Variants in LYPLAL1 observed in about 807,000 individuals in gnomAD.
The protein encoded by LYPLAL1 is lysophospholipase-like protein 1.
A neutral mutation model predicts 19.7 loss-of-function variants in LYPLAL1; 23 were observed. The observed-to-expected ratio is 1.17, with a 90% CI of 0.84 to 1.65. The LOEUF is 1.65. LYPLAL1 is among the 40% of genes most tolerant of loss of function. LYPLAL1 has a pLI of 0.00. For synonymous variants in LYPLAL1, 119 were observed against 96.3 expected, an observed-to-expected ratio of 1.24 and a Z score of -1.38; for missense variants, 355 against 279.4, an observed-to-expected ratio of 1.27 and a Z score of -1.93.
At chr1:219,243,038 G>A in the LYPLAL1 span, among the ~76,000 whole-genome samples, 1 of 152,114 alleles carries the variant, frequency 6.6e-6, no homozygotes, top group Non-Finnish European at 1.5e-5. Flanking sequence ...AGAATGGCTG[G>A]AAGGGAGTGC....
chr1:219,382,544 A>G, the LYPLAL1 span, among the ~76,000 whole-genome samples: 1 of 152,066 alleles, frequency 6.6e-6, no homozygotes, highest in Non-Finnish European at 1.5e-5. Context: ...TTGGATTTTC[A>G]GTAGAGACAG....
the LYPLAL1 span, among the ~76,000 whole-genome samples, chr1:219,315,959 GA>G: frequency 2.0e-5 from 3 of 151,652 alleles, no homozygotes; most frequent in Admixed American, 1.3e-4. Context: ...TAATTAAATG[GA>G]AAAAAAATGC....
chr1:219,193,049 C>T (rs773609698), intron 2 of LYPLAL1, 33 bp from the exon 3 acceptor site: 77 of 1,376,770 alleles, frequency 5.6e-5, no homozygotes, highest in South Asian at 9.9e-5. Flanking sequence ...CTTTTCCTTT[C>T]TTTTTTTTTG....
At chr1:219,381,574 T>C in the LYPLAL1 span, among the ~76,000 whole-genome samples, 1 of 152,086 alleles carries the variant, frequency 6.6e-6, no homozygotes, top group Non-Finnish European at 1.5e-5. Context: ...GCCAGGAAAA[T>C]AGAGTGGGCC....
the LYPLAL1 span, among the ~76,000 whole-genome samples, chr1:219,241,134 C>CTATATATATATATA: frequency 1.3e-3 from 56 of 44,344 alleles, no homozygotes; most frequent in Non-Finnish European, 1.8e-3. Flanking sequence ...CTCTCTCTCT[C>CTATATATATATATA]TATATATATA....
chr1:219,261,272 ATC>A, the LYPLAL1 span, among the ~76,000 whole-genome samples: 2 of 152,308 alleles, frequency 1.3e-5, no homozygotes, highest in African/African-American at 4.8e-5. Flanking sequence ...CAACTTTAAA[ATC>A]TAAATCTCTC....
In LYPLAL1 at chr1:219,211,844, A is replaced by G. The variant is rs1659071796; in HGVS notation, c.*116A>G. 3.0e-6 allele frequency: 2 copies of G among 655,752 alleles called. No individual in the cohort carries two copies. The highest frequency in any genetic ancestry group is 1.8e-5 in the African/African-American group (1 of 54,748). The allele number at this position is 655,752 out of a possible 1,614,324, so 40.6% of individuals were successfully genotyped here. A position where few individuals can be genotyped will look rare whatever the true frequency, so the allele number is the denominator to read the frequency against. On this transcript the variant is annotated 3_prime_UTR_variant, in exon 5 of 5. Coordinates refer to ENST00000366928, the MANE Select transcript of LYPLAL1 (RefSeq NM_138794.5). The stretch of plus-strand genomic sequence containing the variant: ...GAAATAACACTTTCCTGACTTTTTT[A>G]TTATTAAAATGCTTATCACTGTAGA...
the LYPLAL1 span, among the ~76,000 whole-genome samples, chr1:219,339,269 T>A: frequency 6.6e-6 from 1 of 151,970 alleles, no homozygotes; most frequent in African/African-American, 2.4e-5. Context: ...CTCCATGACA[T>A]CCCTATGCAA....
chr1:219,311,286 A>C, the LYPLAL1 span, among the ~76,000 whole-genome samples: 1 of 152,298 alleles, frequency 6.6e-6, no homozygotes, highest in African/African-American at 2.4e-5. Flanking sequence ...CAGCAATATC[A>C]CCTGAAAAAT....
chr1:219,424,210 C>T, the LYPLAL1 span, among the ~76,000 whole-genome samples: 1 of 152,064 alleles, frequency 6.6e-6, no homozygotes, highest in African/African-American at 2.4e-5. Context: ...TTAATTCTGG[C>T]TTAAAGACTC....
chr1:219,237,580 G>T, the LYPLAL1 span, among the ~76,000 whole-genome samples: 2 of 152,122 alleles, frequency 1.3e-5, no homozygotes, highest in South Asian at 4.1e-4. Context: ...TTGTTGCTCG[G>T]TCTACTTTGA....
At chr1:219,184,510 G>A (rs1487199617) in intron 2 of LYPLAL1, among the ~76,000 whole-genome samples, 1 of 151,848 alleles carries the variant, frequency 6.6e-6, no homozygotes, top group African/African-American at 2.4e-5. Flanking sequence ...AAATAGAAGT[G>A]AGTACTTCCT....
the LYPLAL1 span, among the ~76,000 whole-genome samples, chr1:219,375,992 C>T: frequency 2.0e-5 from 3 of 152,070 alleles, no homozygotes; most frequent in Non-Finnish European, 4.4e-5. Context: ...TCACCCGCCT[C>T]GGCCTCCCAA....
chr1:219,261,287 C>T, the LYPLAL1 span, among the ~76,000 whole-genome samples: 1 of 152,120 alleles, frequency 6.6e-6, no homozygotes, highest in Non-Finnish European at 1.5e-5. Flanking sequence ...AATCTCTCAT[C>T]GTCCTGTGTA....
At chr1:219,409,755 G>A in the LYPLAL1 span, 1 of 152,210 alleles carries the variant, frequency 6.6e-6, no homozygotes, top group African/African-American at 2.4e-5. Flanking sequence ...AGAAGGGAGA[G>A]GATTGTGGGG....
At chr1:219,338,162 A>G in the LYPLAL1 span, among the ~76,000 whole-genome samples, 1 of 152,028 alleles carries the variant, frequency 6.6e-6, no homozygotes, top group Admixed American at 6.6e-5. Flanking sequence ...CAAAGGGCTA[A>G]TTTAGGAATT....
the LYPLAL1 span, among the ~76,000 whole-genome samples, chr1:219,373,892 A>AAAAAAAAAAAAAAAAAAAAAAC: frequency 6.6e-6 from 1 of 150,434 alleles, no homozygotes; most frequent in African/African-American, 2.4e-5. Context: ...CAAAAAAAAA[A>AAAAAAAAAAAAAAAAAAAAAAC]ACACAAAAAC....
chr1:219,218,540 A>T, the LYPLAL1 span, among the ~76,000 whole-genome samples: 6 of 150,632 alleles, frequency 4.0e-5, no homozygotes, highest in African/African-American at 1.5e-4. Context: ...TGTTAGTGTT[A>T]GTGTATTTTT....
At chr1:219,229,463 A>G in the LYPLAL1 span, among the ~76,000 whole-genome samples, 1 of 152,156 alleles carries the variant, frequency 6.6e-6, no homozygotes, top group African/African-American at 2.4e-5. Context: ...GCTGAGAGCT[A>G]CTTCCACTCA....
Sources: gnomAD v4.1 joint callset for allele counts (sites outside exome capture counted in the v4.1 genomes callset) on GRCh38, gnomAD v4.1.1 for gene constraint, MANE v1.5 for transcripts, NCBI Gene and HGNC (gene_info 2026-07-23, HGNC 2026-07-21) for gene names.